Variants in SLCO2A1 observed in about 807,000 individuals in gnomAD.
SLCO2A1 encodes the protein solute carrier organic anion transporter family member 2A1.
SLCO2A1 carries 60 observed loss-of-function variants against 71.7 expected under a neutral mutation model. That is an observed-to-expected ratio of 0.84 (90% CI 0.68 to 1.04). SLCO2A1 has a LOEUF of 1.04. SLCO2A1 is among the 50% of genes least tolerant of loss of function. The pLI, the probability that SLCO2A1 is intolerant of heterozygous loss-of-function variation, is 0.00. For missense variants in SLCO2A1, 745 were observed against 813.4 expected (o/e 0.92, Z 1.02); for synonymous variants, 308 against 326.7 (o/e 0.94, Z 0.62).
intron 1 of SLCO2A1, among the ~76,000 whole-genome samples, chr3:134,000,637 ATTC>A (rs1935088022): frequency 6.6e-6 from 1 of 152,124 alleles, no homozygotes; most frequent in African/African-American, 2.4e-5. Flanking sequence ...TCTGTCAACT[ATTC>A]AACCTCACAC....
intron 3 of SLCO2A1, among the ~76,000 whole-genome samples, chr3:133,960,995 G>C (rs149512503): frequency 6.6e-6 from 1 of 152,124 alleles, no homozygotes. Flanking sequence ...AGTGAGGCTG[G>C]CGCTCAAACA....
chr3:133,963,625 G>A (rs953392843), intron 3 of SLCO2A1, among the ~76,000 whole-genome samples: 3 of 152,216 alleles, frequency 2.0e-5, no homozygotes, highest in African/African-American at 7.2e-5. Flanking sequence ...CTGTCATCTG[G>A]GAGTGTGTGG....
chr3:134,002,656 G>T (rs62272006), intron 1 of SLCO2A1, among the ~76,000 whole-genome samples: 1 of 152,006 alleles, frequency 6.6e-6, no homozygotes, highest in Non-Finnish European at 1.5e-5. Context: ...CAGTTTTCTG[G>T]GCCCCACCTC....
intron 1 of SLCO2A1, among the ~76,000 whole-genome samples, chr3:133,991,444 G>A (rs1035444278): frequency 6.6e-6 from 1 of 152,216 alleles, no homozygotes; most frequent in African/African-American, 2.4e-5. Context: ...ATTTTCCCAC[G>A]CAGGAAGAAT....
In SLCO2A1 at chr3:133,944,194, A is replaced by G. The variant is rs114660497; in HGVS notation, c.1461+901T>C. Among the ~76,000 whole-genome samples, 330 of 152,092 alleles carry G rather than the reference A, an allele frequency of 2.2e-3. 2 individuals carry two copies. The highest frequency in any genetic ancestry group is 7.5e-3 in the African/African-American group (310 of 41,464). On this transcript the variant is annotated intron_variant, in intron 10 of 13. Transcript: ENST00000310926. ...TCTGTTCTTCTGGTTGTTCACTTCT[A>G]ATGTCACCCTCTCCCGGAGGCCCCT...
At chr3:134,003,325 G>T (rs1422216354) in intron 1 of SLCO2A1, among the ~76,000 whole-genome samples, 4 of 152,198 alleles carry the variant, frequency 2.6e-5, no homozygotes, top group Non-Finnish European at 4.4e-5. Context: ...CAGCCCAGGG[G>T]CCTGTGACCT....
chr3:133,957,334 A>G (rs1933923218), intron 3 of SLCO2A1, among the ~76,000 whole-genome samples: 1 of 152,138 alleles, frequency 6.6e-6, no homozygotes, highest in Non-Finnish European at 1.5e-5. Context: ...AAGTCCTAGC[A>G]CCAGAAATGT....
rs753146862 is a variant in SLCO2A1 at position 133,948,962 on chromosome 3, C to A, written c.871G>T (p.Ala291Ser). The A allele has an allele frequency of 1.2e-6, 2 of 1,614,108 alleles. No homozygotes were observed. The highest frequency in any genetic ancestry group is 1.7e-6 in the Non-Finnish European group (2 of 1,179,956). The change falls in exon 7 of 14, where the codon GCC becomes TCC. Residue 291 changes from alanine to serine, a missense_variant. Physicochemically the swap from Ala to Ser is moderately conservative, Grantham distance 99 (BLOSUM62 1). Transcript: ENST00000310926. ...AMPIGAKRAP[A>S]TADEARKLEE... ...AACTTCCTTGCTTCATCTGCTGTGG[C>A]AGGAGCCCTCTGAAGGCAATAAAAG...
intron 3 of SLCO2A1, among the ~76,000 whole-genome samples, chr3:133,957,607 A>T (rs1214343365): frequency 6.6e-6 from 1 of 152,152 alleles, no homozygotes; most frequent in Non-Finnish European, 1.5e-5. Flanking sequence ...CTCCATCCCT[A>T]GCCACCTTCA....
intron 3 of SLCO2A1, among the ~76,000 whole-genome samples, chr3:133,959,096 C>T (rs892688214): frequency 6.6e-6 from 1 of 152,228 alleles, no homozygotes; most frequent in Non-Finnish European, 1.5e-5. Flanking sequence ...AGCTGCCCCT[C>T]AGCAGCAGTA....
chr3:133,988,800 C>T (rs145497983), intron 1 of SLCO2A1, among the ~76,000 whole-genome samples: 1 of 152,190 alleles, frequency 6.6e-6, no homozygotes, highest in Admixed American at 6.5e-5. Context: ...CTAGGCCGAG[C>T]TGACTGCATA....
At chr3:134,010,176 C>T (rs1468760601) in intron 1 of SLCO2A1, among the ~76,000 whole-genome samples, 1 of 152,190 alleles carries the variant, frequency 6.6e-6, no homozygotes, top group African/African-American at 2.4e-5. Context: ...GTGATAGTAG[C>T]TCAGAAAATT....
intron 11 of SLCO2A1, 115 bp downstream of exon 11, chr3:133,942,490 C>T (rs747056926): frequency 9.0e-7 from 1 of 1,114,386 alleles, no homozygotes; most frequent in African/African-American, 1.6e-5. Context: ...ATTTAAAGGA[C>T]TCTGAGGGCC....
At chr3:133,968,644 A>G (rs1038065975) in intron 3 of SLCO2A1, among the ~76,000 whole-genome samples, 7 of 152,242 alleles carry the variant, frequency 4.6e-5, no homozygotes, top group African/African-American at 1.7e-4. Context: ...CATTGTCTGC[A>G]TGTGGGCAGA....
chr3:133,951,134 C>G, intron 6 of SLCO2A1, 74 bp downstream of exon 6: 1 of 1,588,848 alleles, frequency 6.3e-7, no homozygotes, highest in Non-Finnish European at 8.6e-7. Context: ...AGCTTTTTAG[C>G]TCTATTTATT....
intron 2 of SLCO2A1, among the ~76,000 whole-genome samples, chr3:133,974,962 C>T (rs1303338472): frequency 2.0e-5 from 3 of 152,198 alleles, no homozygotes; most frequent in African/African-American, 4.8e-5. Context: ...ATGTACTGGT[C>T]AATGCTCAGT....
chr3:134,018,127 T>C (rs749148039), intron 1 of SLCO2A1, among the ~76,000 whole-genome samples: 17 of 152,140 alleles, frequency 1.1e-4, no homozygotes, highest in Non-Finnish European at 2.4e-4. Context: ...CCGTTCCCGT[T>C]GTTCTCTCTT....
At chr3:133,999,525 A>G (rs1935056590) in intron 1 of SLCO2A1, among the ~76,000 whole-genome samples, 1 of 152,236 alleles carries the variant, frequency 6.6e-6, no homozygotes, top group South Asian at 2.1e-4. Context: ...ACTATTACTA[A>G]GATGAGGCAC....
rs761825239 is a variant in SLCO2A1, at chr3:133,996,970, C to T, written c.97-17352G>A. ...TGGGATACTTCCAGAGAAAGTCCTC[C>T]CTAAGTGCTAAGCTCTGAGCACAAT... On this transcript the variant is annotated intron_variant, in intron 1 of 13. Coordinates refer to ENST00000310926, the MANE Select transcript of SLCO2A1 (RefSeq NM_005630.3). 7.2e-5 allele frequency among the ~76,000 whole-genome samples: 11 copies of T among 152,162 alleles called. No homozygotes were observed. In the South Asian group the frequency reaches 2.3e-3, roughly 32 times the overall value.
Sources: gnomAD v4.1 joint callset for allele counts (sites outside exome capture counted in the v4.1 genomes callset) on GRCh38, gnomAD v4.1.1 for gene constraint, MANE v1.5 for transcripts, NCBI Gene and HGNC (gene_info 2026-07-23, HGNC 2026-07-21) for gene names.